Variants in EML6 observed in about 807,000 individuals in gnomAD.
EML6 encodes the protein EMAP like 6.
Under a neutral mutation model 240.1 loss-of-function variants are expected in EML6, and 154 were observed. The ratio of observed to expected loss-of-function variants is 0.64; its 90% confidence interval spans 0.56 to 0.73. The LOEUF is 0.73. Among genes scored for constraint, EML6 ranks in the 30% least tolerant of loss-of-function variants. EML6 has a pLI of 0.00. For missense variants in EML6, 2,964 were observed against 2,474.6 expected (o/e 1.20, Z -4.20); for synonymous variants, 1,148 against 899.0 (o/e 1.28, Z -4.95).
chr2:54,844,676 A>G (rs976550163), intron 8 of EML6, among the ~76,000 whole-genome samples: 3 of 152,244 alleles, frequency 2.0e-5, no homozygotes, highest in Non-Finnish European at 4.4e-5. Flanking sequence ...TGTCTTTAGC[A>G]CATGAATAAG....
intron 2 of EML6, among the ~76,000 whole-genome samples, chr2:54,789,513 CAAAAAAAAAAAAAAAAAAAA>C (rs576842183): frequency 5.1e-5 from 4 of 77,898 alleles, no homozygotes; most frequent in Admixed American, 1.8e-4. Flanking sequence ...GACTTCGTCT[CAAAAAAAAAAAAAAAAAAAA>C]AAAAAAAAAA....
rs953598571 is a variant in EML6 at position 54,825,416 on chromosome 2, G to A, written c.526-2150G>A. 3.9e-5 allele frequency among the ~76,000 whole-genome samples: 6 copies of A among 152,032 alleles called. No individual in the cohort carries two copies. The South Asian group carries it at 1.2e-3, about 32-fold the overall frequency. Reference sequence around the variant, plus strand: ...TTAAAAAAAACTTTATTACAGGTGTGTGCTACCACTCCAGGCTAATTATTT... The same window carrying A: ...TTAAAAAAAACTTTATTACAGGTGTATGCTACCACTCCAGGCTAATTATTT... On this transcript the variant is annotated intron_variant, in intron 5 of 41. Coordinates refer to ENST00000356458, the MANE Select transcript of EML6 (RefSeq NM_001039753.4).
At chr2:54,778,734 C>CA (rs780486550) in intron 2 of EML6, among the ~76,000 whole-genome samples, 1 of 150,652 alleles carries the variant, frequency 6.6e-6, no homozygotes, top group African/African-American at 2.4e-5. Context: ...TAAAAAAATA[C>CA]AAAAAAAATT....
At chr2:54,900,445 T>C (rs887559782) in intron 22 of EML6, among the ~76,000 whole-genome samples, 1 of 152,156 alleles carries the variant, frequency 6.6e-6, no homozygotes, top group African/African-American at 2.4e-5. Flanking sequence ...TATGAGGAAA[T>C]GACCAGGGAT....
chr2:54,780,299 T>G (rs1047245637), intron 2 of EML6, among the ~76,000 whole-genome samples: 1 of 152,242 alleles, frequency 6.6e-6, no homozygotes, highest in African/African-American at 2.4e-5. Context: ...GGCTAAACAA[T>G]TTACTAGACT....
At chr2:54,781,506 G>C (rs937550528) in intron 2 of EML6, among the ~76,000 whole-genome samples, 1 of 152,122 alleles carries the variant, frequency 6.6e-6, no homozygotes, top group Non-Finnish European at 1.5e-5. Context: ...TACTTCACCT[G>C]AGTGAAAATT....
intron 2 of EML6, among the ~76,000 whole-genome samples, chr2:54,749,594 A>T (rs1395250906): frequency 6.6e-6 from 1 of 152,186 alleles, no homozygotes; most frequent in Non-Finnish European, 1.5e-5. Flanking sequence ...ACCTATTATT[A>T]TGTACTGGGC....
chr2:54,789,953 G>GTA (rs1237012674), intron 2 of EML6, among the ~76,000 whole-genome samples: 2 of 152,170 alleles, frequency 1.3e-5, no homozygotes, highest in Non-Finnish European at 2.9e-5. Flanking sequence ...GAGCTTCATG[G>GTA]TATGTGTGTG....
At chr2:54,829,766 T>C in intron 7 of EML6, among the ~76,000 whole-genome samples, 1 of 152,332 alleles carries the variant, frequency 6.6e-6, no homozygotes, top group Middle Eastern at 3.4e-3. Context: ...CTAGACAAGT[T>C]GGTTACCATT....
chr2:54,877,940 G>T (rs544624643), intron 16 of EML6, among the ~76,000 whole-genome samples: 1 of 152,344 alleles, frequency 6.6e-6, no homozygotes, highest in Middle Eastern at 3.4e-3. Flanking sequence ...TTGGAGGAGG[G>T]TCTCTTGCAT....
At chr2:54,864,674 T>C (rs554365975) in intron 13 of EML6, among the ~76,000 whole-genome samples, 3 of 152,332 alleles carry the variant, frequency 2.0e-5, no homozygotes, top group Non-Finnish European at 2.9e-5. Context: ...ATTTAAGATA[T>C]AGGCCTATGG....
At chr2:54,912,674 C>T (rs962110107) in intron 25 of EML6, among the ~76,000 whole-genome samples, 19 of 152,132 alleles carry the variant, frequency 1.2e-4, no homozygotes, top group African/African-American at 4.1e-4. Flanking sequence ...GTATTCTGTT[C>T]CTGCGTTAAT....
intron 2 of EML6, among the ~76,000 whole-genome samples, chr2:54,763,005 C>G (rs755816947): frequency 4.6e-5 from 7 of 152,160 alleles, no homozygotes; most frequent in Non-Finnish European, 1.5e-5. Flanking sequence ...GGTAACCCCC[C>G]AATTCCAACA....
At chr2:54,936,603 G>A (rs1675146924) in intron 28 of EML6, among the ~76,000 whole-genome samples, 1 of 151,956 alleles carries the variant, frequency 6.6e-6, no homozygotes. Flanking sequence ...ACAATAATTA[G>A]CTCAAGGATT....
At chr2:54,907,023 A>T (rs1673361518) in intron 24 of EML6, among the ~76,000 whole-genome samples, 1 of 152,198 alleles carries the variant, frequency 6.6e-6, no homozygotes, top group African/African-American at 2.4e-5. Context: ...TGCCCATGGC[A>T]ACTACAGGTC....
chr2:54,897,420 C>G (rs1200118403), intron 21 of EML6, among the ~76,000 whole-genome samples: 1 of 152,210 alleles, frequency 6.6e-6, no homozygotes, highest in African/African-American at 2.4e-5. Flanking sequence ...TTTGTCTCAT[C>G]TCCACAACAG....
At chr2:54,918,801 C>G (rs1573141163) in intron 26 of EML6, among the ~76,000 whole-genome samples, 1 of 152,230 alleles carries the variant, frequency 6.6e-6, no homozygotes, top group African/African-American at 2.4e-5. Flanking sequence ...ATAGTGGTCT[C>G]TGTCATCCTT....
At chr2:54,885,122 A>G (rs1357059068) in intron 17 of EML6, among the ~76,000 whole-genome samples, 1 of 151,616 alleles carries the variant, frequency 6.6e-6, no homozygotes, top group African/African-American at 2.4e-5. Flanking sequence ...GCGCCACTGC[A>G]CTCCAGCCTG....
chr2:54,837,164 G>C (rs1466363808), intron 7 of EML6, among the ~76,000 whole-genome samples: 1 of 152,128 alleles, frequency 6.6e-6, no homozygotes, highest in East Asian at 1.9e-4. Context: ...ATAAGGTTAG[G>C]TTTACAGGAG....
Sources: gnomAD v4.1 joint callset for allele counts (sites outside exome capture counted in the v4.1 genomes callset) on GRCh38, gnomAD v4.1.1 for gene constraint, MANE v1.5 for transcripts, NCBI Gene and HGNC (gene_info 2026-07-23, HGNC 2026-07-21) for gene names.